Variants in ACYP2 observed in about 807,000 individuals in gnomAD.
ACYP2 encodes the protein acylphosphatase 2.
ACYP2 carries 12 observed loss-of-function variants against 11.2 expected under a neutral mutation model. The ratio of observed to expected loss-of-function variants is 1.08; its 90% confidence interval spans 0.69 to 1.74. The LOEUF (loss-of-function observed/expected upper bound fraction) is 1.74, where lower values mean the gene tolerates loss of function less well. ACYP2 is among the 40% of genes most tolerant of loss of function. The pLI is 0.00. For synonymous variants in ACYP2, 43 were observed against 32.2 expected (o/e 1.33, Z -1.13); for missense variants, 134 against 101.9 (o/e 1.31, Z -1.35).
chr2:54,182,719 G>T (rs1331057736), intron 6 of ACYP2, among the ~76,000 whole-genome samples: 1 of 152,204 alleles, frequency 6.6e-6, no homozygotes, highest in African/African-American at 2.4e-5. Flanking sequence ...AGTCAGTCAC[G>T]CAAAGTCACA....
Position 54,138,550 on chromosome 2 carries a change from T to A in ACYP2, c.295-89T>A, listed in dbSNP as rs1681403007. 4.1e-6 allele frequency: 4 copies of A among 979,484 alleles called. No individual in the cohort carries two copies. In the South Asian group the frequency reaches 6.7e-5, roughly 16 times the overall value. The allele number at this position is 979,484 out of a possible 1,614,324, so 60.7% of individuals were successfully genotyped here. ...TTGACTACAAAAAATGATTATTAGG[T>A]TAGCATTTTTTGGATATTAGAATCA... On this transcript the variant is annotated intron_variant, in intron 5 of 6. Transcript: ENST00000607452.
chr2:54,080,143 G>A (rs1677566079), intron 4 of ACYP2: 1 of 199,258 alleles, frequency 5.0e-6, no homozygotes, highest in South Asian at 1.0e-4. Context: ...AGGCATCAAA[G>A]ATATTCTTTA....
rs571198165 is a variant in ACYP2 at position 54,221,065 on chromosome 2, G to A, written c.404+82317G>A. On this transcript the variant is annotated intron_variant, in intron 6 of 6. Transcript: ENST00000607452. ...AATATGCTTGCATGGTTTGGCTTCAGTTTTTTTCACTGGTCATTTGTTATG... is the reference window on the plus strand; with the variant it reads ...AATATGCTTGCATGGTTTGGCTTCAATTTTTTTCACTGGTCATTTGTTATG... Among the ~76,000 whole-genome samples the A allele has an allele frequency of 5.3e-5, 8 of 152,276 alleles. No individual in the cohort carries two copies. In the East Asian group the frequency reaches 1.2e-3, roughly 22 times the overall value.
In ACYP2 at chr2:54,018,180, C is replaced by G. The variant is rs1463946159; in HGVS notation, c.63-32778C>G. ...TCTGCCTAGATGTAGACCAGTAGTT[C>G]TCAAACCTAAGTAAGCATCAGTATC... On this transcript the variant is annotated intron_variant, in intron 2 of 6. Transcript: ENST00000607452. Among the ~76,000 whole-genome samples the G allele has an allele frequency of 4.6e-5, 7 of 152,170 alleles. No homozygotes were observed. The East Asian group carries it at 1.3e-3, about 29-fold the overall frequency.
intron 2 of ACYP2, among the ~76,000 whole-genome samples, chr2:54,017,901 T>G (rs896695493): frequency 6.6e-6 from 1 of 152,058 alleles, no homozygotes; most frequent in African/African-American, 2.4e-5. Context: ...GGTCTCACTT[T>G]GTTGTCTTGG....
At chr2:54,007,752 C>T (rs1390593674) in intron 2 of ACYP2, among the ~76,000 whole-genome samples, 1 of 152,108 alleles carries the variant, frequency 6.6e-6, no homozygotes, top group Admixed American at 6.5e-5. Context: ...GTAATCCCAG[C>T]TACTCAGGAG....
At chr2:54,066,604 T>G (rs1235690244) in intron 4 of ACYP2, among the ~76,000 whole-genome samples, 1 of 152,244 alleles carries the variant, frequency 6.6e-6, no homozygotes, top group Non-Finnish European at 1.5e-5. Context: ...ATTTATCATT[T>G]GTTCCTTTCC....
intron 6 of ACYP2, among the ~76,000 whole-genome samples, chr2:54,197,041 T>C (rs1211301030): frequency 6.6e-6 from 1 of 152,092 alleles, no homozygotes; most frequent in Admixed American, 6.6e-5. Context: ...ACTAACAAGA[T>C]TAGGTAGTAT....
At chr2:54,143,873 T>C (rs746006366) in intron 6 of ACYP2, among the ~76,000 whole-genome samples, 16 of 151,990 alleles carry the variant, frequency 1.1e-4, no homozygotes, top group Non-Finnish European at 2.1e-4. Flanking sequence ...TCAGAATTAC[T>C]GTTCTTAGGT....
At chr2:54,148,092 G>A (rs143059609) in intron 6 of ACYP2, among the ~76,000 whole-genome samples, 128 of 152,228 alleles carry the variant, frequency 8.4e-4, no homozygotes, top group African/African-American at 2.8e-3. Context: ...AGCTGCACAT[G>A]ATATCCACAG....
At chr2:54,008,929 G>T (rs1182582938) in intron 2 of ACYP2, among the ~76,000 whole-genome samples, 1 of 152,088 alleles carries the variant, frequency 6.6e-6, no homozygotes, top group Non-Finnish European at 1.5e-5. Context: ...GAGGCAGGCA[G>T]ATCACCTGAG....
chr2:54,006,079 G>A (rs189462398), intron 2 of ACYP2, among the ~76,000 whole-genome samples: 13 of 152,268 alleles, frequency 8.5e-5, no homozygotes, highest in Admixed American at 7.9e-4. Context: ...AGTCTCCTGG[G>A]ATCAAGTGTT....
intron 6 of ACYP2, among the ~76,000 whole-genome samples, chr2:54,283,546 A>G (rs1688937377): frequency 6.6e-6 from 1 of 152,212 alleles, no homozygotes; most frequent in South Asian, 2.1e-4. Flanking sequence ...CAGATTTAGA[A>G]TCCCAGAGGT....
chr2:54,219,164 T>C (rs1685678682), intron 6 of ACYP2, among the ~76,000 whole-genome samples: 1 of 152,178 alleles, frequency 6.6e-6, no homozygotes, highest in African/African-American at 2.4e-5. Context: ...TATCAAAGAT[T>C]AGAGGTAGAT....
chr2:54,114,955 C>A lies in ACYP2; in HGVS notation c.278-20498C>A, dbSNP rs543338673. Among the ~76,000 whole-genome samples the A allele has an allele frequency of 3.0e-4, 46 of 151,552 alleles. 1 individual carries two copies. Among genetic ancestry groups the A allele is most frequent in the African/African-American group, 1.0e-3 (43 of 41,228 alleles). On this transcript the variant is annotated intron_variant, in intron 4 of 6. Coordinates refer to ENST00000607452, the MANE Select transcript of ACYP2 (RefSeq NM_001320586.2). ...ATTTCATAAATAATTTACTAACTCT[C>A]AAAACACTAAACACGCAGGCCCTTG... is the stretch of plus-strand genomic sequence containing the variant.
chr2:54,262,304 G>A (rs1163513526), intron 6 of ACYP2, among the ~76,000 whole-genome samples: 1 of 152,096 alleles, frequency 6.6e-6, no homozygotes, highest in African/African-American at 2.4e-5. Flanking sequence ...CAAAATACCA[G>A]TATTTATACC....
intron 6 of ACYP2, among the ~76,000 whole-genome samples, chr2:54,269,132 G>C (rs1330546047): frequency 6.6e-6 from 1 of 152,120 alleles, no homozygotes; most frequent in African/African-American, 2.4e-5. Context: ...ATTATTTGTA[G>C]AGACAGGGGC....
At chr2:54,036,572 G>A (rs752329173) in intron 2 of ACYP2, among the ~76,000 whole-genome samples, 79 of 152,294 alleles carry the variant, frequency 5.2e-4, no homozygotes, top group Admixed American at 1.1e-3. Flanking sequence ...GCTGTCTGCA[G>A]GGAGAAAATG....
intron 6 of ACYP2, among the ~76,000 whole-genome samples, chr2:54,144,754 C>T (rs1422974731): frequency 1.3e-5 from 2 of 151,106 alleles, no homozygotes; most frequent in African/African-American, 4.9e-5. Context: ...ACTTCATTTT[C>T]TCCTCCTTTT....
Sources: allele counts gnomAD v4.1 joint callset (sites outside exome capture counted in the v4.1 genomes callset), GRCh38; gene constraint gnomAD v4.1.1; transcripts MANE v1.5; gene names NCBI Gene and HGNC (gene_info 2026-07-23, HGNC 2026-07-21).